Variants in CCNY observed in about 807,000 individuals in gnomAD.
CCNY encodes cyclin-Y.
CCNY carries 19 observed loss-of-function variants against 42.8 expected under a neutral mutation model. The ratio of observed to expected loss-of-function variants is 0.44; its 90% confidence interval spans 0.31 to 0.65. The LOEUF is 0.65. Among genes scored for constraint, CCNY ranks in the 30% least tolerant of loss-of-function variants. The pLI is 0.07. For missense variants in CCNY, 370 were observed against 437.3 expected, an observed-to-expected ratio of 0.85 and a Z score of 1.37; for synonymous variants, 165 against 162.7, an observed-to-expected ratio of 1.01 and a Z score of -0.11.
intron 1 of CCNY, among the ~76,000 whole-genome samples, chr10:35,348,162 T>C (rs879503801): frequency 3.3e-5 from 5 of 152,240 alleles, no homozygotes; most frequent in African/African-American, 1.2e-4. Context: ...CATTAGAGAT[T>C]GTGTTCTATA....
At chr10:35,344,933 C>A (rs1036298981) in intron 1 of CCNY, among the ~76,000 whole-genome samples, 1 of 152,172 alleles carries the variant, frequency 6.6e-6, no homozygotes, top group Non-Finnish European at 1.5e-5. Context: ...GCATAGTATT[C>A]CCTGGTGTAT....
At chr10:35,358,428 G>A (rs1836609484) in intron 1 of CCNY, among the ~76,000 whole-genome samples, 2 of 152,176 alleles carry the variant, frequency 1.3e-5, no homozygotes, top group Non-Finnish European at 2.9e-5. Context: ...TGCTCTCAAG[G>A]ATGGCAGGAT....
intron 1 of CCNY, among the ~76,000 whole-genome samples, chr10:35,439,732 TC>T (rs1262514939): frequency 6.6e-6 from 1 of 151,722 alleles, no homozygotes; most frequent in African/African-American, 2.4e-5. Flanking sequence ...AATTGAAACC[TC>T]CTGGACATTT....
chr10:35,283,185 G>A (rs1305283117), intron 3 of CCNY, among the ~76,000 whole-genome samples: 2 of 152,116 alleles, frequency 1.3e-5, no homozygotes, highest in Non-Finnish European at 2.9e-5. Context: ...TATCATTGAT[G>A]ACACTAGATG....
chr10:35,444,014 C>T (rs1838733552), intron 1 of CCNY, among the ~76,000 whole-genome samples: 2 of 152,234 alleles, frequency 1.3e-5, no homozygotes, highest in African/African-American at 4.8e-5. Context: ...TGTGTGCTCT[C>T]TGGCAAAACT....
intron 3 of CCNY, among the ~76,000 whole-genome samples, chr10:35,262,552 G>A (rs1176296205): frequency 6.6e-6 from 1 of 151,766 alleles, no homozygotes; most frequent in Non-Finnish European, 1.5e-5. Flanking sequence ...AATAGAGATG[G>A]GGTTTCACCA....
At chr10:35,560,202 G>A (rs1371401192) in intron 8 of CCNY, among the ~76,000 whole-genome samples, 3 of 152,138 alleles carry the variant, frequency 2.0e-5, no homozygotes, top group African/African-American at 7.2e-5. Flanking sequence ...TTAGGACTTT[G>A]GGGCTGTTAG....
At chr10:35,474,755 G>T (rs1248929836) in intron 1 of CCNY, among the ~76,000 whole-genome samples, 5 of 152,182 alleles carry the variant, frequency 3.3e-5, no homozygotes, top group Non-Finnish European at 5.9e-5. Flanking sequence ...CTCCTCCAAA[G>T]GAACGCAGCT....
At chr10:35,374,079 G>A (rs1008956338) in intron 1 of CCNY, among the ~76,000 whole-genome samples, 3 of 152,230 alleles carry the variant, frequency 2.0e-5, no homozygotes. Flanking sequence ...GCAGCTTACA[G>A]CGTTTTCCCA....
At chr10:35,259,701 G>A (rs1241450902) in intron 3 of CCNY, among the ~76,000 whole-genome samples, 4 of 133,848 alleles carry the variant, frequency 3.0e-5, no homozygotes, top group Admixed American at 8.3e-5. Context: ...TTTTAGAGAC[G>A]AGGTTTGGCC....
intron 3 of CCNY, among the ~76,000 whole-genome samples, chr10:35,259,662 C>A (rs2095718110): frequency 8.7e-6 from 1 of 114,338 alleles, no homozygotes; most frequent in Non-Finnish European, 1.7e-5. Context: ...ACCATCATGC[C>A]TGGCTAATTG....
At chr10:35,407,878 G>A (rs1046320416) in intron 1 of CCNY, among the ~76,000 whole-genome samples, 1 of 152,240 alleles carries the variant, frequency 6.6e-6, no homozygotes, top group East Asian at 1.9e-4. Flanking sequence ...ACGTCCCCAC[G>A]GAGATCAGAC....
chr10:35,251,363 A>G (rs556838388), intron 3 of CCNY, among the ~76,000 whole-genome samples: 7 of 152,204 alleles, frequency 4.6e-5, no homozygotes, highest in Non-Finnish European at 1.0e-4. Flanking sequence ...CAAAACTATA[A>G]AACTAATAAA....
At chr10:35,498,347 A>G (rs1372269513) in intron 2 of CCNY, among the ~76,000 whole-genome samples, 2 of 152,200 alleles carry the variant, frequency 1.3e-5, no homozygotes, top group African/African-American at 2.4e-5. Flanking sequence ...CACTCCTACC[A>G]GTTAGGAAAT....
At chr10:35,396,826 G>T (rs1189259352) in intron 1 of CCNY, among the ~76,000 whole-genome samples, 1 of 152,232 alleles carries the variant, frequency 6.6e-6, no homozygotes, top group East Asian at 1.9e-4. Context: ...CCCAAGGCAG[G>T]ATCTGGAGGC....
chr10:35,333,412 CT>C (rs750431454), upstream of CCNY, among the ~76,000 whole-genome samples: 16 of 152,230 alleles, frequency 1.1e-4, no homozygotes, highest in Non-Finnish European at 1.5e-4. Flanking sequence ...CAAGGCTCCC[CT>C]CATCCCTTTC....
rs116478756 is a variant in CCNY, at chr10:35,415,419, T to C, written c.155-67985T>C. On this transcript the variant is annotated intron_variant, in intron 1 of 9. Coordinates refer to ENST00000374704, the MANE Select transcript of CCNY (RefSeq NM_145012.6). ...GTTGGCCCTCAGGGGAGCTGGTGCC[T>C]AATCCTCAGGGCAGAAAGCCTTTTT... is the stretch of plus-strand genomic sequence containing the variant. Among the ~76,000 whole-genome samples the C allele has an allele frequency of 7.0e-3, 1,068 of 151,986 alleles. 10 individuals carry two copies. The highest frequency in any genetic ancestry group is 0.025 in the African/African-American group (1,019 of 41,430).
At chr10:35,360,918 C>T (rs575898564) in intron 1 of CCNY, among the ~76,000 whole-genome samples, 11 of 152,068 alleles carry the variant, frequency 7.2e-5, no homozygotes, top group South Asian at 2.1e-4. Context: ...TGGAGTGCAA[C>T]GGCACGATCT....
intron 1 of CCNY, among the ~76,000 whole-genome samples, chr10:35,449,452 G>T (rs566506423): frequency 6.6e-6 from 1 of 152,284 alleles, no homozygotes; most frequent in Admixed American, 6.5e-5. Context: ...GCCCTACTGG[G>T]CAGGGTTCCA....
Sources: allele counts gnomAD v4.1 joint callset (sites outside exome capture counted in the v4.1 genomes callset), GRCh38; gene constraint gnomAD v4.1.1; transcripts MANE v1.5; gene names NCBI Gene and HGNC (gene_info 2026-07-23, HGNC 2026-07-21).